AGBL3: variants seen among roughly 807,000 people sequenced by gnomAD.
The protein encoded by AGBL3 is AGBL carboxypeptidase 3.
Under a neutral mutation model 94.5 loss-of-function variants are expected in AGBL3, and 68 were observed. The ratio of observed to expected loss-of-function variants is 0.72; its 90% CI spans 0.59 to 0.88. The LOEUF is 0.88. AGBL3 is among the 40% of genes least tolerant of loss of function. The pLI is 0.00. For synonymous variants in AGBL3, 354 were observed against 370.7 expected, an observed-to-expected ratio of 0.95 and a Z score of 0.52; for missense variants, 934 against 1,103.8, an observed-to-expected ratio of 0.85 and a Z score of 2.18.
intron 4 of AGBL3, among the ~76,000 whole-genome samples, chr7:135,012,725 A>C (rs1813309713): frequency 6.6e-6 from 1 of 152,178 alleles, no homozygotes; most frequent in South Asian, 2.1e-4. Flanking sequence ...TGTTGTAACA[A>C]CTTAGCATAC....
chr7:135,095,833 G>T (rs11982197), intron 15 of AGBL3, among the ~76,000 whole-genome samples: 73,699 of 151,976 alleles, frequency 0.48, 18,234 homozygotes, highest in South Asian at 0.66. Context: ...TGCAACTTAA[G>T]TGTGTTGCAA....
chr7:135,059,379 T>C (rs967133907), intron 12 of AGBL3, 144 bp downstream of exon 12: 11 of 516,976 alleles, frequency 2.1e-5, no homozygotes, highest in South Asian at 1.1e-4. Flanking sequence ...TTTTAAATCA[T>C]AGAATTATTT....
At chr7:135,007,913 A>T (rs1214467806) in intron 4 of AGBL3, among the ~76,000 whole-genome samples, 2 of 152,098 alleles carry the variant, frequency 1.3e-5, no homozygotes, top group Non-Finnish European at 2.9e-5. Flanking sequence ...TTTGCAAAAG[A>T]ATAAAATATG....
intron 12 of AGBL3, among the ~76,000 whole-genome samples, chr7:135,073,544 A>T (rs12707209): frequency 0.44 from 66,422 of 151,568 alleles, 15,391 homozygotes; most frequent in East Asian, 0.78. Context: ...TAGTAGGAAG[A>T]GCCGCAGACA....
chr7:135,070,096 C>A (rs565106282), intron 12 of AGBL3, among the ~76,000 whole-genome samples: 2 of 152,166 alleles, frequency 1.3e-5, no homozygotes, highest in Non-Finnish European at 2.9e-5. Context: ...ACTATAAACA[C>A]CTCTATGCAA....
At chr7:135,067,459 C>G (rs186097089) in intron 12 of AGBL3, among the ~76,000 whole-genome samples, 3 of 152,194 alleles carry the variant, frequency 2.0e-5, no homozygotes, top group African/African-American at 7.2e-5. Context: ...GGTCCCTGAC[C>G]CCCGAGTAGC....
rs1417340085 is a variant in AGBL3 at position 135,034,932 on chromosome 7, A to G, written c.1337+4A>G. ...ATACCCGGAACATGGTTCATAGGTA[A>G]AATAAGCCTCAAATTACCTCTGTGC... On this transcript the variant is annotated splice_donor_region_variant and intron_variant, in intron 7 of 16. Transcript: ENST00000436302. 1 of 1,481,920 alleles carries G rather than the reference A, an allele frequency of 6.7e-7. No individual in the cohort carries two copies. Among genetic ancestry groups the G allele is most frequent in the African/African-American group, 1.4e-5 (1 of 71,016 alleles). The allele number at this position is 1,481,920 out of a possible 1,614,324, so 91.8% of individuals were successfully genotyped here.
chr7:135,115,027 G>A (rs543229582), intron 15 of AGBL3, among the ~76,000 whole-genome samples: 3 of 152,214 alleles, frequency 2.0e-5, no homozygotes, highest in East Asian at 1.9e-4. Context: ...TCCTACCTCA[G>A]TAAGGGCCTT....
intron 15 of AGBL3, among the ~76,000 whole-genome samples, chr7:135,112,671 T>C (rs1401957097): frequency 6.6e-6 from 1 of 152,262 alleles, no homozygotes; most frequent in Non-Finnish European, 1.5e-5. Flanking sequence ...TACTTTTTGC[T>C]CTCTAGTCCT....
chr7:135,105,662 C>T lies in AGBL3; in HGVS notation c.2111-9718C>T, dbSNP rs529446252. 4.6e-5 allele frequency among the ~76,000 whole-genome samples: 7 copies of T among 152,200 alleles called. No homozygotes were observed. The South Asian group carries it at 6.2e-4, about 14-fold the overall frequency. On this transcript the variant is annotated intron_variant, in intron 15 of 16. Transcript: ENST00000436302. ...TATAATATAGTTTGAAGTCAGGTAA[C>T]GTGATGCCTCCAGCTTTGTTCTTTT...
intron 5 of AGBL3, among the ~76,000 whole-genome samples, chr7:135,023,922 C>T (rs944029494): frequency 6.6e-6 from 1 of 152,232 alleles, no homozygotes; most frequent in Non-Finnish European, 1.5e-5. Flanking sequence ...GTGCTCAACC[C>T]CAAGGGGCCA....
intron 15 of AGBL3, among the ~76,000 whole-genome samples, chr7:135,088,541 C>A (rs1031688020): frequency 2.0e-5 from 3 of 152,024 alleles, no homozygotes; most frequent in Non-Finnish European, 2.9e-5. Context: ...ATGTAGTATT[C>A]CCTAGATTAT....
chr7:135,063,891 C>T (rs1819052502), intron 12 of AGBL3, among the ~76,000 whole-genome samples: 1 of 152,156 alleles, frequency 6.6e-6, no homozygotes, highest in Admixed American at 6.6e-5. Flanking sequence ...TGAAGGTCAG[C>T]AGTGGCTCTA....
chr7:135,122,640 A>G (rs1206062414), intron 16 of AGBL3, among the ~76,000 whole-genome samples: 1 of 152,198 alleles, frequency 6.6e-6, no homozygotes, highest in Non-Finnish European at 1.5e-5. Context: ...TGCTGGCATC[A>G]GGCTGGTACC....
At chr7:135,015,778 G>T (rs1279844749) in intron 4 of AGBL3, among the ~76,000 whole-genome samples, 1 of 151,364 alleles carries the variant, frequency 6.6e-6, no homozygotes, top group Non-Finnish European at 1.5e-5. Flanking sequence ...ACTTTGGGAG[G>T]CCGTGGCAGG....
intron 4 of AGBL3, chr7:135,012,149 A>ATT (rs1813238617): frequency 6.6e-6 from 1 of 152,182 alleles, no homozygotes; most frequent in African/African-American, 2.4e-5. Flanking sequence ...AGCACAGAAG[A>ATT]ATACCATACA....
At chr7:135,069,763 A>G (rs547255490) in intron 12 of AGBL3, among the ~76,000 whole-genome samples, 5 of 152,344 alleles carry the variant, frequency 3.3e-5, no homozygotes, top group African/African-American at 9.6e-5. Flanking sequence ...TGCCCACAAG[A>G]GAAAGCAGGA....
At chr7:135,022,445 G>C (rs945753378) in intron 5 of AGBL3, among the ~76,000 whole-genome samples, 1 of 151,708 alleles carries the variant, frequency 6.6e-6, no homozygotes, top group Non-Finnish European at 1.5e-5. Context: ...TCATATGTTT[G>C]TTGGCCACAT....
intron 11 of AGBL3, among the ~76,000 whole-genome samples, chr7:135,050,158 T>C (rs986606965): frequency 6.6e-6 from 1 of 152,010 alleles, no homozygotes; most frequent in African/African-American, 2.4e-5. Context: ...ACCCAATGAT[T>C]GTTCAAGATT....
Sources: gnomAD v4.1 joint callset for allele counts (sites outside exome capture counted in the v4.1 genomes callset) on GRCh38, gnomAD v4.1.1 for gene constraint, MANE v1.5 for transcripts, NCBI Gene and HGNC (gene_info 2026-07-23, HGNC 2026-07-21) for gene names.